Variants in FNDC1 observed in about 807,000 individuals in gnomAD.
FNDC1 encodes fibronectin type III domain containing 1.
FNDC1 carries 96 observed loss-of-function variants against 168.0 expected under a neutral mutation model. The ratio of observed to expected loss-of-function variants is 0.57; its 90% CI spans 0.48 to 0.68. FNDC1 has a LOEUF of 0.68. FNDC1 is among the 30% of genes least tolerant of loss of function. FNDC1 has a pLI of 0.00. For missense variants in FNDC1, 2,587 were observed against 2,482.1 expected (o/e 1.04, Z -0.90); for synonymous variants, 1,099 against 1,025.9 (o/e 1.07, Z -1.36).
chr6:159,243,726 C>T (rs1783480540), intron 14 of FNDC1, among the ~76,000 whole-genome samples: 1 of 151,688 alleles, frequency 6.6e-6, no homozygotes, highest in African/African-American at 2.4e-5. Flanking sequence ...GTAAGGTGGT[C>T]AACTTTTTTT....
chr6:159,258,410 G>T (rs1182676800), intron 18 of FNDC1, among the ~76,000 whole-genome samples: 1 of 152,186 alleles, frequency 6.6e-6, no homozygotes, highest in East Asian at 1.9e-4. Flanking sequence ...GGGATAGAGA[G>T]GGGAGTCATA....
chr6:159,245,004 A>G (rs403947), intron 14 of FNDC1, among the ~76,000 whole-genome samples: 131,765 of 152,230 alleles, frequency 0.87, 57,255 homozygotes, highest in Middle Eastern at 0.9. Flanking sequence ...GGCAGAAGGG[A>G]AAGCAGGCAC....
intron 21 of FNDC1, 139 bp downstream of exon 21, chr6:159,266,384 C>A: frequency 1.1e-6 from 1 of 879,422 alleles, no homozygotes; most frequent in Non-Finnish European, 1.8e-6. Context: ...CTAATACAAA[C>A]CAATTTTACA....
chr6:159,220,210 T>C (rs552813644), intron 5 of FNDC1, among the ~76,000 whole-genome samples: 1 of 152,286 alleles, frequency 6.6e-6, no homozygotes, highest in East Asian at 1.9e-4. Flanking sequence ...CCATAAACAG[T>C]CCCTCTGTGT....
At chr6:159,218,556 G>A (rs2114972167) in intron 5 of FNDC1, 1 of 152,306 alleles carries the variant, frequency 6.6e-6, no homozygotes, top group East Asian at 1.9e-4. Flanking sequence ...ATCCTGCATG[G>A]GATTTTCAAG....
Position 159,234,155 on chromosome 6 carries a change from G to A in FNDC1, c.3643G>A (p.Ala1215Thr). The change falls in exon 11 of 23, where the codon GCC becomes ACC. Residue 1215 changes from alanine to threonine, a missense_variant. Coordinates refer to ENST00000297267, the MANE Select transcript of FNDC1 (RefSeq NM_032532.3). Reference sequence around the variant, plus strand: ...CTCCACTCCCAGGGGCGGCAAAGACGCCGATGGGAGCCTCGCCAAGGAAGA... The same window carrying A: ...CTCCACTCCCAGGGGCGGCAAAGACACCGATGGGAGCCTCGCCAAGGAAGA... ...SSSTPRGGKD[A>T]DGSLAKEERE... 6.3e-7 allele frequency: 1 copy of A among 1,597,754 alleles called. No individual in the cohort carries two copies. The highest frequency in any genetic ancestry group is 8.5e-7 in the Non-Finnish European group (1 of 1,172,650).
intron 8 of FNDC1, 116 bp downstream of exon 8, chr6:159,225,838 T>C: frequency 1.1e-6 from 1 of 884,174 alleles, no homozygotes; most frequent in South Asian, 2.1e-5. Context: ...TTTTTGAAAG[T>C]CATGTTAATC....
chr6:159,194,149 G>A (rs1328564579), intron 1 of FNDC1, among the ~76,000 whole-genome samples: 2 of 152,174 alleles, frequency 1.3e-5, no homozygotes, highest in African/African-American at 4.8e-5. Flanking sequence ...GACACAGACA[G>A]GAAATTCTTT....
In FNDC1 at chr6:159,226,326, C is replaced by A. The variant is rs1319239403; in HGVS notation, c.1073-147C>A. ...TAAATCACTATATTACACAAAGAAC[C>A]AGTGTGGAATTTTCTGTCAGGTATA... On this transcript the variant is annotated intron_variant, in intron 8 of 22. Coordinates refer to ENST00000297267, the MANE Select transcript of FNDC1 (RefSeq NM_032532.3). 3.3e-5 allele frequency: 20 copies of A among 607,452 alleles called. No homozygotes were observed. The South Asian group carries it at 3.6e-4, about 11-fold the overall frequency. The allele number at this position is 607,452 out of a possible 1,614,324, so 37.6% of individuals were successfully genotyped here. A position where few individuals can be genotyped will look rare whatever the true frequency, so the allele number is the denominator to read the frequency against.
chr6:159,266,164 C>G lies in FNDC1; in HGVS notation c.5365C>G (p.Arg1789Gly), dbSNP rs760021818. The G allele has an allele frequency of 8.7e-6, 14 of 1,613,830 alleles. No homozygotes were observed. Among genetic ancestry groups the G allele is most frequent in the Non-Finnish European group, 1.2e-5 (14 of 1,179,868 alleles). The change falls in exon 21 of 23, where the codon CGC becomes GGC. Residue 1789 changes from arginine (R) to glycine (G), a missense_variant. By Grantham distance (125) the Arg-to-Gly change is moderately radical. Coordinates refer to ENST00000297267, the MANE Select transcript of FNDC1 (RefSeq NM_032532.3). ...TDCHGRQYVK[R>G]TWYRKFVGVV... is the part of the protein sequence containing the mutation. ...CTGCCATGGACGGCAATATGTGAAG[C>G]GCACGTGGTATCGAAAGTTCGTGGG...
chr6:159,258,127 G>A (rs1048518923), intron 18 of FNDC1, among the ~76,000 whole-genome samples: 1 of 152,140 alleles, frequency 6.6e-6, no homozygotes. Context: ...TATGTAGGGC[G>A]ATGGTTTACT....
intron 14 of FNDC1, chr6:159,240,759 C>T (rs572176863): frequency 2.8e-4 from 42 of 152,324 alleles, no homozygotes; most frequent in African/African-American, 9.6e-4. Context: ...ATCTTTTCTG[C>T]TCAGTCCCCT....
At chr6:159,182,713 A>G (rs1057147520) in intron 1 of FNDC1, among the ~76,000 whole-genome samples, 5 of 152,198 alleles carry the variant, frequency 3.3e-5, no homozygotes, top group East Asian at 1.9e-4. Flanking sequence ...TAGTAACTCT[A>G]TGTCACCCAA....
At chr6:159,218,287 G>A (rs749547291) in intron 5 of FNDC1, 1 of 152,232 alleles carries the variant, frequency 6.6e-6, no homozygotes, top group South Asian at 2.1e-4. Context: ...ACCTGAGATC[G>A]GGGTGGGCTC....
Position 159,249,101 on chromosome 6 carries a change from C to T in FNDC1, c.4753C>T (p.Pro1585Ser), listed in dbSNP as rs1042888108. ...TGAGCCTTCGACCACTGCTACCACA[C>T]CGAGGGTGATCCCAGAGGAAGGCGC... ...TTEPSTTATT[P>S]RVIPEEGAIS... The change falls in exon 16 of 23, where the codon CCG becomes TCG. Residue 1585 changes from proline (P) to serine (S), a missense_variant. Pro to Ser is a moderately conservative substitution (Grantham distance 74, BLOSUM62 -1). Transcript: ENST00000297267. 4 of 1,608,202 alleles carry T rather than the reference C, an allele frequency of 2.5e-6. No homozygotes were observed. The African/African-American group carries it at 4.0e-5, about 16-fold the overall frequency.
intron 4 of FNDC1, among the ~76,000 whole-genome samples, chr6:159,202,814 G>A (rs1261003357): frequency 1.3e-5 from 2 of 152,192 alleles, no homozygotes; most frequent in Non-Finnish European, 2.9e-5. Flanking sequence ...ATATTCCAAT[G>A]AGAAAGAAAG....
chr6:159,191,243 G>A (rs900683678), intron 1 of FNDC1, among the ~76,000 whole-genome samples: 1 of 152,150 alleles, frequency 6.6e-6, no homozygotes, highest in African/African-American at 2.4e-5. Flanking sequence ...AGATTTGGGT[G>A]GGGACACAGA....
intron 22 of FNDC1, among the ~76,000 whole-genome samples, chr6:159,269,534 CCA>C (rs1777691208): frequency 6.7e-6 from 1 of 150,276 alleles, no homozygotes; most frequent in African/African-American, 2.4e-5. Flanking sequence ...ATCCATCCAT[CCA>C]TCCATCCATC....
At chr6:159,245,180 C>A (rs912187034) in intron 14 of FNDC1, among the ~76,000 whole-genome samples, 5 of 152,186 alleles carry the variant, frequency 3.3e-5, no homozygotes, top group Admixed American at 2.6e-4. Flanking sequence ...CACTTTCCAC[C>A]AGATCCCTCC....
Sources: allele counts gnomAD v4.1 joint callset (sites outside exome capture counted in the v4.1 genomes callset), GRCh38; gene constraint gnomAD v4.1.1; transcripts MANE v1.5; gene names NCBI Gene and HGNC (gene_info 2026-07-23, HGNC 2026-07-21).